The following ACVR1 variants were observed in gnomAD, a reference collection of about 807,000 sequenced individuals.
ACVR1 encodes activin receptor type-1.
Under a neutral mutation model 57.1 loss-of-function variants are expected in ACVR1, and 38 were observed. That is an observed-to-expected ratio of 0.67 (90% CI 0.51 to 0.87). ACVR1 has a LOEUF of 0.87. Among genes scored for constraint, ACVR1 ranks in the 40% least tolerant of loss-of-function variants. The pLI, the probability that ACVR1 is intolerant of heterozygous loss-of-function variation, is 0.00. For missense variants in ACVR1, 463 were observed against 638.2 expected, an observed-to-expected ratio of 0.73 and a Z score of 2.96; for synonymous variants, 212 against 228.1, an observed-to-expected ratio of 0.93 and a Z score of 0.63.
rs937958035 is a variant in ACVR1, at chr2:157,876,009, G to T, written c.-396C>A. On this transcript the variant is annotated 5_prime_UTR_variant, in exon 1 of 11. Coordinates refer to ENST00000434821, the MANE Select transcript of ACVR1 (RefSeq NM_001111067.4). ...TGGCTGCAGCGGAGCGGTGCGTGGG[G>T]CCGGGAGCTTCCCGGCCCTGGGGCC... 115 of 150,244 alleles carry T rather than the reference G, an allele frequency of 7.7e-4. No homozygotes were observed. In the Middle Eastern group the frequency reaches 0.011, roughly 14 times the overall value. The allele number at this position is 150,244 out of a possible 1,614,324, so 9.3% of individuals were successfully genotyped here.
chr2:157,765,871 T>C, intron 8 of ACVR1, 50 bp downstream of exon 8: 7 of 1,598,738 alleles, frequency 4.4e-6, no homozygotes, highest in African/African-American at 1.3e-5. Context: ...CACCTAACCA[T>C]TGAAACAAAA....
intron 1 of ACVR1, among the ~76,000 whole-genome samples, chr2:157,869,913 C>T (rs926352161): frequency 1.3e-5 from 2 of 152,138 alleles, no homozygotes; most frequent in South Asian, 4.1e-4. Context: ...TGTGTAAGTC[C>T]CTGACATCAA....
At chr2:157,846,333 A>T (rs956920250) in intron 1 of ACVR1, among the ~76,000 whole-genome samples, 2 of 152,196 alleles carry the variant, frequency 1.3e-5, no homozygotes, top group Non-Finnish European at 2.9e-5. Context: ...ATTTGTCATG[A>T]TTTGTTACAG....
intron 3 of ACVR1, among the ~76,000 whole-genome samples, chr2:157,783,816 T>C (rs1686614489): frequency 6.6e-6 from 1 of 152,216 alleles, no homozygotes; most frequent in Non-Finnish European, 1.5e-5. Flanking sequence ...TATTCCCATA[T>C]AACTAATTAG....
intron 6 of ACVR1, among the ~76,000 whole-genome samples, chr2:157,772,247 G>C (rs1166479509): frequency 6.6e-6 from 1 of 152,134 alleles, no homozygotes; most frequent in Non-Finnish European, 1.5e-5. Flanking sequence ...AAAAGCCCTG[G>C]CCATGGAGCC....
At chr2:157,742,374 G>A (rs1016825286) in intron 9 of ACVR1, among the ~76,000 whole-genome samples, 3 of 152,294 alleles carry the variant, frequency 2.0e-5, no homozygotes, top group East Asian at 1.9e-4. Flanking sequence ...GGGAAGAGGC[G>A]CTCTTAAATG....
At chr2:157,795,346 T>C (rs535941463) in intron 3 of ACVR1, among the ~76,000 whole-genome samples, 2 of 150,454 alleles carry the variant, frequency 1.3e-5, no homozygotes, top group Non-Finnish European at 3.0e-5. Flanking sequence ...ATTTTCCTAC[T>C]AAATATATAA....
At chr2:157,854,981 G>A (rs1408069420) in intron 1 of ACVR1, among the ~76,000 whole-genome samples, 2 of 152,122 alleles carry the variant, frequency 1.3e-5, no homozygotes, top group East Asian at 3.9e-4. Flanking sequence ...AGAGGTTGCA[G>A]TGAGCCAAGA....
intron 1 of ACVR1, among the ~76,000 whole-genome samples, chr2:157,849,656 T>G (rs1689231206): frequency 6.6e-6 from 1 of 152,258 alleles, no homozygotes; most frequent in Non-Finnish European, 1.5e-5. Flanking sequence ...AGGCTTTTAT[T>G]AAAAATATTC....
intron 1 of ACVR1, among the ~76,000 whole-genome samples, chr2:157,824,241 G>A (rs1688257371): frequency 6.6e-6 from 1 of 152,160 alleles, no homozygotes; most frequent in African/African-American, 2.4e-5. Flanking sequence ...GCCAAGATAG[G>A]AGGATTGCTT....
At chr2:157,835,414 A>G (rs4233672) in intron 1 of ACVR1, among the ~76,000 whole-genome samples, 102,528 of 152,170 alleles carry the variant, frequency 0.67, 38,590 homozygotes, top group South Asian at 0.83. Context: ...AACATGATAT[A>G]AGCACCATTA....
At chr2:157,781,297 G>A (rs1460410295) in intron 3 of ACVR1, among the ~76,000 whole-genome samples, 1 of 152,164 alleles carries the variant, frequency 6.6e-6, no homozygotes, top group African/African-American at 2.4e-5. Flanking sequence ...TTGGGTCAAT[G>A]CTAAAAAAGG....
At chr2:157,845,026 A>G (rs143418975) in intron 1 of ACVR1, among the ~76,000 whole-genome samples, 1 of 152,344 alleles carries the variant, frequency 6.6e-6, no homozygotes, top group East Asian at 1.9e-4. Context: ...TAAGGGATTT[A>G]GTTACAGCAG....
At chr2:157,830,056 TA>T (rs1345603229) in intron 1 of ACVR1, among the ~76,000 whole-genome samples, 1 of 152,058 alleles carries the variant, frequency 6.6e-6, no homozygotes, top group Non-Finnish European at 1.5e-5. Flanking sequence ...CCATCTGTAC[TA>T]AAAATACAAA....
At chr2:157,737,806 G>T in intron 10 of ACVR1, 141 bp from the exon 11 acceptor site, 1 of 1,159,276 alleles carries the variant, frequency 8.6e-7, no homozygotes, top group Non-Finnish European at 1.3e-6. Flanking sequence ...TCTTCTTCAA[G>T]CAAATATTCA....
intron 3 of ACVR1, among the ~76,000 whole-genome samples, chr2:157,787,619 C>T (rs1438485568): frequency 6.6e-6 from 1 of 152,080 alleles, no homozygotes; most frequent in Admixed American, 6.5e-5. Flanking sequence ...GTGGTTCCAT[C>T]GATTGAATGT....
chr2:157,803,730 G>A (rs192464148), intron 2 of ACVR1, among the ~76,000 whole-genome samples: 2 of 152,206 alleles, frequency 1.3e-5, no homozygotes, highest in Non-Finnish European at 2.9e-5. Flanking sequence ...ATAGTTCTGG[G>A]ATTGCCTTAC....
intron 2 of ACVR1, among the ~76,000 whole-genome samples, chr2:157,817,794 T>A (rs564976783): frequency 3.5e-4 from 53 of 151,384 alleles, no homozygotes; most frequent in Middle Eastern, 3.4e-3. Context: ...AGGTCAGGAG[T>A]TCGAGACCAG....
chr2:157,805,070 G>T (rs2105312733), intron 2 of ACVR1, among the ~76,000 whole-genome samples: 1 of 152,244 alleles, frequency 6.6e-6, no homozygotes, highest in South Asian at 2.1e-4. Context: ...ACTTCTATAT[G>T]CAACTTTCAG....
Sources: gnomAD v4.1 joint callset for allele counts (sites outside exome capture counted in the v4.1 genomes callset) on GRCh38, gnomAD v4.1.1 for gene constraint, MANE v1.5 for transcripts, NCBI Gene and HGNC (gene_info 2026-07-23, HGNC 2026-07-21) for gene names.